The following PTPRN2 variants were observed in gnomAD, a reference collection of about 807,000 sequenced individuals.
PTPRN2 encodes the protein receptor-type tyrosine-protein phosphatase N2.
In PTPRN2, 74 loss-of-function variants were observed where a neutral mutation model predicts 118.8. That is an observed-to-expected ratio of 0.62 (90% CI 0.52 to 0.76). PTPRN2 has a LOEUF of 0.76. PTPRN2 is among the 30% of genes least tolerant of loss of function. PTPRN2 has a pLI of 0.00. For missense variants in PTPRN2, 1,481 were observed against 1,394.4 expected (o/e 1.06, Z -0.99); for synonymous variants, 641 against 608.0 (o/e 1.05, Z -0.80).
chr7:158,365,861 C>CACACAG (rs1361789098), intron 2 of PTPRN2, among the ~76,000 whole-genome samples: 1 of 146,466 alleles, frequency 6.8e-6, no homozygotes, highest in Non-Finnish European at 1.5e-5. Flanking sequence ...CACACACACA[C>CACACAG]AGCATCCCTG....
intron 12 of PTPRN2, among the ~76,000 whole-genome samples, chr7:157,687,527 T>C (rs1397253613): frequency 6.6e-6 from 1 of 152,250 alleles, no homozygotes; most frequent in Non-Finnish European, 1.5e-5. Flanking sequence ...GTATCATTTC[T>C]AAGGAATCAG....
chr7:158,149,530 G>C (rs546586459), intron 6 of PTPRN2, among the ~76,000 whole-genome samples: 2 of 152,250 alleles, frequency 1.3e-5, no homozygotes, highest in East Asian at 3.9e-4. Context: ...CCGGCTGGGC[G>C]CAGTGGCTCA....
chr7:157,994,130 T>C (rs1024607487), intron 11 of PTPRN2, among the ~76,000 whole-genome samples: 1 of 152,236 alleles, frequency 6.6e-6, no homozygotes, highest in Non-Finnish European at 1.5e-5. Context: ...CCTCTTTAAA[T>C]ATTATTGACA....
intron 9 of PTPRN2, among the ~76,000 whole-genome samples, chr7:158,113,354 C>A (rs1162927019): frequency 6.6e-6 from 1 of 152,070 alleles, no homozygotes; most frequent in African/African-American, 2.4e-5. Context: ...GTTCTGGGGG[C>A]AAGAGGGGCA....
chr7:158,437,437 C>G (rs2129431925), intron 2 of PTPRN2, among the ~76,000 whole-genome samples: 1 of 152,300 alleles, frequency 6.6e-6, no homozygotes, highest in Admixed American at 6.5e-5. Flanking sequence ...GTGTCTTGGT[C>G]TTGCTTCTTG....
chr7:158,351,811 T>C (rs114189845), intron 2 of PTPRN2, among the ~76,000 whole-genome samples: 2,765 of 151,622 alleles, frequency 0.018, 38 homozygotes, highest in African/African-American at 0.032. Context: ...ACTACAAAGG[T>C]AGCAGAACAG....
At chr7:158,317,153 G>T (rs547874132) in intron 2 of PTPRN2, among the ~76,000 whole-genome samples, 10 of 150,670 alleles carry the variant, frequency 6.6e-5, no homozygotes, top group Admixed American at 2.0e-4. Flanking sequence ...AAGGTGGAGA[G>T]AAAGTCCAGT....
chr7:158,090,980 G>A (rs73748042), intron 10 of PTPRN2, among the ~76,000 whole-genome samples: 4,862 of 152,266 alleles, frequency 0.032, 269 homozygotes, highest in African/African-American at 0.11. Context: ...TAGACCAACC[G>A]TCCGGTTGAG....
At chr7:157,552,664 T>C (rs1798689899) in intron 21 of PTPRN2, among the ~76,000 whole-genome samples, 1 of 152,256 alleles carries the variant, frequency 6.6e-6, no homozygotes, top group South Asian at 2.1e-4. Flanking sequence ...GTAAGATGTC[T>C]ATTGGCTTTT....
intron 12 of PTPRN2, among the ~76,000 whole-genome samples, chr7:157,782,254 T>G (rs913096986): frequency 6.6e-6 from 1 of 152,348 alleles, no homozygotes; most frequent in South Asian, 2.1e-4. Context: ...ATTCAGCTCA[T>G]GAGCTCAGCC....
chr7:157,752,528 G>A (rs1050014772), intron 12 of PTPRN2, among the ~76,000 whole-genome samples: 2 of 152,092 alleles, frequency 1.3e-5, no homozygotes, highest in African/African-American at 2.4e-5. Context: ...CAGGGTCAAC[G>A]CGCACTCTCT....
chr7:157,599,932 T>A (rs1232294517), intron 16 of PTPRN2, among the ~76,000 whole-genome samples: 22 of 107,004 alleles, frequency 2.1e-4, no homozygotes, highest in African/African-American at 8.0e-4. Flanking sequence ...CCTCTCCACC[T>A]GCCCACCTCT....
chr7:157,778,211 T>C (rs1242315565), intron 12 of PTPRN2, among the ~76,000 whole-genome samples: 1 of 152,176 alleles, frequency 6.6e-6, no homozygotes, highest in Non-Finnish European at 1.5e-5. Flanking sequence ...TCCGCCTGCA[T>C]GGCTCAGGCT....
At chr7:157,890,109 T>C (rs1796716091) in intron 12 of PTPRN2, among the ~76,000 whole-genome samples, 1 of 152,174 alleles carries the variant, frequency 6.6e-6, no homozygotes, top group African/African-American at 2.4e-5. Flanking sequence ...TTTTTCTGAT[T>C]TCCTTGCTCG....
At chr7:158,357,273 C>A (rs113432186) in intron 2 of PTPRN2, among the ~76,000 whole-genome samples, 2 of 152,246 alleles carry the variant, frequency 1.3e-5, no homozygotes, top group East Asian at 1.9e-4. Context: ...CAGGCCTCTG[C>A]GGCAGGTCTG....
rs1823121874 is a variant in PTPRN2 at position 158,167,296 on chromosome 7, A to G, written c.550-5T>C. On this transcript the variant is annotated splice_polypyrimidine_tract_variant and splice_region_variant and intron_variant, in intron 5 of 22. Coordinates refer to ENST00000389418, the MANE Select transcript of PTPRN2 (RefSeq NM_002847.5). ...CTCGGAGAAGCGGTCATCACCCTGA[A>G]GGAAAGGAGAGCAAAACAGAGCAAG... 3 of 1,583,106 alleles carry G rather than the reference A, an allele frequency of 1.9e-6. No individual in the cohort carries two copies. The highest frequency in any genetic ancestry group is 3.5e-5 in the Admixed American group (2 of 57,328).
intron 2 of PTPRN2, among the ~76,000 whole-genome samples, chr7:158,395,004 G>A (rs1216159828): frequency 6.6e-6 from 1 of 152,194 alleles, no homozygotes; most frequent in African/African-American, 2.4e-5. Flanking sequence ...CGACACCTGG[G>A]CCAACCAGCC....
intron 14 of PTPRN2, among the ~76,000 whole-genome samples, chr7:157,642,171 C>T (rs1049385240): frequency 1.3e-5 from 2 of 152,186 alleles, no homozygotes; most frequent in African/African-American, 4.8e-5. Context: ...TTTCTCCAGC[C>T]CTTCACCCCC....
chr7:158,080,926 G>A (rs78180042), intron 11 of PTPRN2, among the ~76,000 whole-genome samples: 78 of 152,264 alleles, frequency 5.1e-4, no homozygotes, highest in African/African-American at 1.5e-3. Context: ...AAAATTGCAC[G>A]TGCTCTGCAC....
Sources: allele counts gnomAD v4.1 joint callset (sites outside exome capture counted in the v4.1 genomes callset), GRCh38; gene constraint gnomAD v4.1.1; transcripts MANE v1.5; gene names NCBI Gene and HGNC (gene_info 2026-07-23, HGNC 2026-07-21).